The following TAF1D variants were observed in gnomAD, a reference collection of about 807,000 sequenced individuals.
The protein encoded by TAF1D is TATA box-binding protein-associated factor RNA polymerase I subunit D.
In TAF1D, 23 loss-of-function variants were observed where a neutral mutation model predicts 26.2. That is an observed-to-expected ratio of 0.88 (90% CI 0.63 to 1.25). The LOEUF is 1.25. Ranked by LOEUF, TAF1D falls within the 50% of genes most tolerant of loss-of-function variation. TAF1D has a pLI of 0.00. For synonymous variants in TAF1D, 100 were observed against 105.6 expected (o/e 0.95, Z 0.33); for missense variants, 299 against 322.0 (o/e 0.93, Z 0.55).
intron 1 of TAF1D, among the ~76,000 whole-genome samples, chr11:93,740,971 C>T (rs1007095338): frequency 6.6e-6 from 1 of 152,242 alleles, no homozygotes; most frequent in Non-Finnish European, 1.5e-5. Flanking sequence ...ACCACCAGCG[C>T]CTCTCACCCG....
At position 93,738,323 on chromosome 11, in the gene TAF1D, T is replaced by C. The variant is rs781422994; in HGVS notation, c.245A>G (p.Glu82Gly). 1 of 1,610,722 alleles carries C rather than the reference T, an allele frequency of 6.2e-7. No homozygotes were observed. The highest frequency in any genetic ancestry group is 2.2e-5 in the East Asian group (1 of 44,848). Residue 82 changes from glutamate (E) to glycine (G), a missense_variant, in exon 3 of 6, where the codon GAA becomes GGA. By Grantham distance (98) the Glu-to-Gly change is moderately conservative. Coordinates refer to ENST00000448108, the MANE Select transcript of TAF1D (RefSeq NM_024116.4). ...TCTCTTTTTCCTGTTCTTGAATCTTTCAAAAATAGCTTTTATAGTCAATGG... is the reference window on the plus strand; with the variant it reads ...TCTCTTTTTCCTGTTCTTGAATCTTCCAAAAATAGCTTTTATAGTCAATGG... Reference protein sequence around the residue: ...PIPLTIKAIFERFKNRKKRYK... With the variant: ...PIPLTIKAIFGRFKNRKKRYK...
In TAF1D at chr11:93,737,010, A is replaced by G; in HGVS notation, c.635+54T>C. The G allele has an allele frequency of 5.7e-6, 8 of 1,414,978 alleles. No homozygotes were observed. In the South Asian group the frequency reaches 8.9e-5, roughly 16 times the overall value. 87.7% of individuals were successfully genotyped at this position (1,414,978 alleles called of 1,614,324 possible). Reference sequence around the variant, plus strand: ...AAAGGCAAAATATGAAGCAATTAACATAGAAATTTAATTTATAACCTATTA... The same window carrying G: ...AAAGGCAAAATATGAAGCAATTAACGTAGAAATTTAATTTATAACCTATTA... On this transcript the variant is annotated intron_variant, in intron 4 of 5. Transcript: ENST00000448108.
rs750751674 is a variant in TAF1D at position 93,736,115 on chromosome 11, G to A, written c.*46C>T. Reference sequence around the variant, plus strand: ...CACATTTATCTTTATTCATTTCTATGAAGTCGTTTTTTCTATATGCTTCAC... The same window carrying A: ...CACATTTATCTTTATTCATTTCTATAAAGTCGTTTTTTCTATATGCTTCAC... On this transcript the variant is annotated 3_prime_UTR_variant, in exon 6 of 6. Coordinates refer to ENST00000448108, the MANE Select transcript of TAF1D (RefSeq NM_024116.4). 6.2e-7 allele frequency: 1 copy of A among 1,608,662 alleles called. No individual in the cohort carries two copies. Among genetic ancestry groups the A allele is most frequent in the South Asian group, 1.1e-5 (1 of 90,172 alleles).
In TAF1D at chr11:93,736,012, AC is replaced by A; in HGVS notation, c.*148del. On this transcript the variant is annotated 3_prime_UTR_variant, in exon 6 of 6. Coordinates refer to ENST00000448108, the MANE Select transcript of TAF1D (RefSeq NM_024116.4). ...ACAAGTTTCTTTCACAAACTTCTTC[AC>A]AGGGTTAAAAATTTTTTTTCTTGTT... 1 of 1,406,996 alleles carries A rather than the reference AC, an allele frequency of 7.1e-7. No individual in the cohort carries two copies. The highest frequency in any genetic ancestry group is 9.2e-7 in the Non-Finnish European group (1 of 1,084,992). The allele number at this position is 1,406,996 out of a possible 1,614,324, so 87.2% of individuals were successfully genotyped here. A position where few individuals can be genotyped will look rare whatever the true frequency, so the allele number is the denominator to read the frequency against.
downstream of TAF1D, chr11:93,734,763 T>G: frequency 7.8e-7 from 1 of 1,279,334 alleles, no homozygotes; most frequent in Non-Finnish European, 1.0e-6. Flanking sequence ...TTATCTATTC[T>G]ACAGGCCTGG....
exon 12 of TAF1D, chr11:93,730,501 T>A: frequency 1.4e-6 from 1 of 725,322 alleles, no homozygotes; most frequent in Non-Finnish European, 2.5e-6. Context: ...GCAACAATCC[T>A]GGATTATTAC....
downstream of TAF1D, chr11:93,733,238 A>ATTAAG: frequency 1.9e-6 from 1 of 519,180 alleles, no homozygotes; most frequent in South Asian, 1.4e-5. Flanking sequence ...CTCTGTCAGA[A>ATTAAG]TTAAGTTTTA....
chr11:93,739,142 C>G, intron 2 of TAF1D, 95 bp downstream of exon 2: 1 of 999,362 alleles, frequency 1.0e-6, no homozygotes, highest in Non-Finnish European at 1.5e-6. Flanking sequence ...AGTTTTCCTT[C>G]TTTCCCAATT....
downstream of TAF1D, chr11:93,730,930 C>T (rs758698431): frequency 8.3e-6 from 4 of 481,192 alleles, no homozygotes; most frequent in Middle Eastern, 3.6e-4. Context: ...AAAGAAAAAT[C>T]ACATGTGGTT....
intron 5 of TAF1D, 98 bp from the exon 6 acceptor site, chr11:93,736,402 G>T: frequency 6.9e-7 from 1 of 1,449,500 alleles, no homozygotes; most frequent in African/African-American, 1.4e-5. Context: ...AGATAACCTA[G>T]AGACTACATG....
chr11:93,737,313 G>A, intron 3 of TAF1D, 74 bp from the exon 4 acceptor site: 2 of 1,029,988 alleles, frequency 1.9e-6, no homozygotes, highest in Non-Finnish European at 1.4e-6. Flanking sequence ...GTTCAAAAAG[G>A]GCAATGCCCC....
At chr11:93,732,027 C>T, downstream of TAF1D, 1 of 518,286 alleles carries the variant, frequency 1.9e-6, no homozygotes, top group Non-Finnish European at 3.8e-6. Flanking sequence ...CTCATTGTCA[C>T]CACTGCAATA....
chr11:93,733,542 G>A (rs757439164), downstream of TAF1D: 2 of 518,840 alleles, frequency 3.9e-6, no homozygotes, highest in Admixed American at 1.9e-5. Context: ...TACTCTATGA[G>A]GCGTTTCCAA....
At chr11:93,737,857 A>G (rs1941113800) in intron 3 of TAF1D, among the ~76,000 whole-genome samples, 1 of 152,216 alleles carries the variant, frequency 6.6e-6, no homozygotes, top group African/African-American at 2.4e-5. Flanking sequence ...AGATGGGATA[A>G]GATCAAAGGA....
Position 93,741,398 on chromosome 11 carries a change from GCCTGGTGT to G in TAF1D, c.-112_-105del, listed in dbSNP as rs1235849362. ...GGCCTCGGCCCAAAACCCGCGACTG[GCCTGGTGT>G]CCTAGAGCTCTGTACACACCACCCT... On this transcript the variant is annotated 5_prime_UTR_variant, in exon 1 of 6. Coordinates refer to ENST00000448108, the MANE Select transcript of TAF1D (RefSeq NM_024116.4). 1.3e-5 allele frequency: 4 copies of G among 317,410 alleles called. No individual in the cohort carries two copies. The allele number at this position is 317,410 out of a possible 1,614,324, so 19.7% of individuals were successfully genotyped here.
At position 93,735,708 on chromosome 11, in the gene TAF1D, A is replaced by G; in HGVS notation, c.*453T>C. ...AAAGATACTCTAAATTTGGAAAGGG[A>G]AATGAGGTTATTACAATACTAAGCA... On this transcript the variant is annotated 3_prime_UTR_variant, in exon 6 of 6. Transcript: ENST00000448108. 4.0e-6 allele frequency: 4 copies of G among 1,008,712 alleles called. No individual in the cohort carries two copies. The highest frequency in any genetic ancestry group is 4.7e-6 in the Non-Finnish European group (4 of 844,532). The allele number at this position is 1,008,712 out of a possible 1,614,324, so 62.5% of individuals were successfully genotyped here.
At chr11:93,740,558 CTGACA>C (rs1314263828) in intron 1 of TAF1D, among the ~76,000 whole-genome samples, 2 of 151,252 alleles carry the variant, frequency 1.3e-5, no homozygotes, top group East Asian at 1.9e-4. Context: ...TTCTTGGGAC[CTGACA>C]TGAGTCATTA....
intron 3 of TAF1D, 102 bp downstream of exon 3, chr11:93,738,007 A>G (rs1941150739): frequency 7.3e-7 from 1 of 1,362,960 alleles, no homozygotes; most frequent in Non-Finnish European, 9.8e-7. Context: ...AAAATTGCAG[A>G]CAGTCTGTTC....
intron 3 of TAF1D, 109 bp from the exon 4 acceptor site, chr11:93,737,348 C>T (rs1470412532): frequency 1.5e-6 from 1 of 650,300 alleles, no homozygotes; most frequent in African/African-American, 1.9e-5. Flanking sequence ...TCTGAATTTG[C>T]TATCTTAACT....
Sources: gnomAD v4.1 joint callset for allele counts (sites outside exome capture counted in the v4.1 genomes callset) on GRCh38, gnomAD v4.1.1 for gene constraint, MANE v1.5 for transcripts, NCBI Gene and HGNC (gene_info 2026-07-23, HGNC 2026-07-21) for gene names.